The following PXDNL variants were observed in gnomAD, a reference collection of about 807,000 sequenced individuals.
PXDNL encodes the protein probable oxidoreductase PXDNL.
Under a neutral mutation model 150.8 loss-of-function variants are expected in PXDNL, and 145 were observed. That is an observed-to-expected ratio of 0.96 (90% CI 0.84 to 1.10). The LOEUF is 1.10. Among genes scored for constraint, PXDNL ranks in the 50% least tolerant of loss-of-function variants. PXDNL has a pLI of 0.00. For missense variants in PXDNL, 2,087 were observed against 1,873.9 expected (o/e 1.11, Z -2.10); for synonymous variants, 757 against 725.7 (o/e 1.04, Z -0.69).
At chr8:51,480,556 C>T (rs527866057) in intron 6 of PXDNL, among the ~76,000 whole-genome samples, 1 of 152,304 alleles carries the variant, frequency 6.6e-6, no homozygotes, top group African/African-American at 2.4e-5. Context: ...ATTACAATTG[C>T]ACATGAGATT....
chr8:51,642,003 A>G (rs1336257985), intron 2 of PXDNL, among the ~76,000 whole-genome samples: 1 of 150,594 alleles, frequency 6.6e-6, no homozygotes, highest in Non-Finnish European at 1.5e-5. Flanking sequence ...TGGCACATAT[A>G]CACCATGGAA....
intron 1 of PXDNL, among the ~76,000 whole-genome samples, chr8:51,773,436 C>T (rs999990569): frequency 1.3e-5 from 2 of 152,186 alleles, no homozygotes; most frequent in South Asian, 2.1e-4. Context: ...GGCTGTAAGA[C>T]AGTCTCACTG....
chr8:51,434,186 T>C (rs1163840765), intron 12 of PXDNL, among the ~76,000 whole-genome samples: 1 of 152,192 alleles, frequency 6.6e-6, no homozygotes, highest in East Asian at 1.9e-4. Flanking sequence ...GTTATTTTTG[T>C]CGAAACACTT....
chr8:51,609,186 T>C (rs927675919), intron 2 of PXDNL, among the ~76,000 whole-genome samples: 1 of 152,244 alleles, frequency 6.6e-6, no homozygotes, highest in Non-Finnish European at 1.5e-5. Flanking sequence ...ATAAATCTTC[T>C]TGATTACTTA....
chr8:51,524,240 A>G (rs1017676417), intron 4 of PXDNL, among the ~76,000 whole-genome samples: 1 of 152,232 alleles, frequency 6.6e-6, no homozygotes, highest in African/African-American at 2.4e-5. Flanking sequence ...CATCCTCTGA[A>G]AAGCTGTTTT....
chr8:51,488,414 T>G (rs577713817), intron 5 of PXDNL, among the ~76,000 whole-genome samples: 1 of 152,060 alleles, frequency 6.6e-6, no homozygotes, highest in South Asian at 2.1e-4. Flanking sequence ...AAGACCTGGA[T>G]GGAGAAACAC....
intron 21 of PXDNL, among the ~76,000 whole-genome samples, chr8:51,328,920 G>A (rs79095346): frequency 0.032 from 4,803 of 152,200 alleles, 241 homozygotes; most frequent in African/African-American, 0.11. Context: ...ACTTGCCAGG[G>A]TACAGTACTA....
At position 51,374,604 on chromosome 8, in the gene PXDNL, C is replaced by T. The variant is rs1300775385; in HGVS notation, c.3685G>A (p.Gly1229Arg). 6.2e-7 allele frequency: 1 copy of T among 1,613,834 alleles called. No individual in the cohort carries two copies. Among genetic ancestry groups the T allele is most frequent in the Non-Finnish European group, 8.5e-7 (1 of 1,179,856 alleles). Reference protein sequence around the residue: ...FVTQFQRLRDGDRFWYENPGV... With the variant: ...FVTQFQRLRDRDRFWYENPGV... ...TAACAGATAATCATTCACCTATCTC[C>T]ATCTCTTAGCCGCTGAAACTGGGTA... The change falls in exon 18 of 23, where the codon GGA becomes AGA. Residue 1229 changes from glycine to arginine, a missense_variant. By Grantham distance (125) the Gly-to-Arg change is moderately radical. Transcript: ENST00000356297.
intron 4 of PXDNL, among the ~76,000 whole-genome samples, chr8:51,502,666 GTT>G (rs11306659): frequency 3.2e-4 from 48 of 147,970 alleles, no homozygotes; most frequent in African/African-American, 9.8e-4. Flanking sequence ...CAGTAGAAGT[GTT>G]TTTTTTTTTC....
intron 2 of PXDNL, among the ~76,000 whole-genome samples, chr8:51,599,176 A>C (rs1358802527): frequency 6.6e-6 from 1 of 151,880 alleles, no homozygotes; most frequent in Non-Finnish European, 1.5e-5. Flanking sequence ...TGCCTTTTTG[A>C]ACAACCAACT....
At chr8:51,669,423 T>C (rs1305165089) in intron 1 of PXDNL, among the ~76,000 whole-genome samples, 1 of 152,236 alleles carries the variant, frequency 6.6e-6, no homozygotes, top group Non-Finnish European at 1.5e-5. Context: ...TCAGCAGTTT[T>C]ATTGTGTGAC....
intron 6 of PXDNL, among the ~76,000 whole-genome samples, chr8:51,481,891 C>A (rs1157380058): frequency 6.6e-6 from 1 of 152,198 alleles, no homozygotes; most frequent in South Asian, 2.1e-4. Flanking sequence ...CAGAAGTTTG[C>A]TGCAGGGGTG....
Position 51,436,586 on chromosome 8 carries a change from A to G in PXDNL, c.1526-9828T>C, listed in dbSNP as rs557146682. On this transcript the variant is annotated intron_variant, in intron 12 of 22. Transcript: ENST00000356297. ...CTCAAAACCATGCAAATACATGGAA[A>G]TTAAACAATCTGCTCCTGAATGATC... is the stretch of plus-strand genomic sequence containing the variant. 2.4e-3 allele frequency: 504 copies of G among 211,572 alleles called. 2 individuals carry two copies. The highest frequency in any genetic ancestry group is 3.8e-3 in the Non-Finnish European group (393 of 103,104). The allele number at this position is 211,572 out of a possible 1,614,324, so 13.1% of individuals were successfully genotyped here.
At chr8:51,615,372 T>C (rs1169175802) in intron 2 of PXDNL, among the ~76,000 whole-genome samples, 1 of 152,094 alleles carries the variant, frequency 6.6e-6, no homozygotes, top group African/African-American at 2.4e-5. Flanking sequence ...TCTATGTAAA[T>C]GGTTTTTGCC....
intron 3 of PXDNL, among the ~76,000 whole-genome samples, chr8:51,578,000 AGGAAGGAAGG>A (rs1407335904): frequency 1.6e-4 from 4 of 25,502 alleles, no homozygotes; most frequent in Admixed American, 4.4e-4. Context: ...AGAAAGAAAG[AGGAAGGAAGG>A]AAGGAAGGAA....
intron 12 of PXDNL, among the ~76,000 whole-genome samples, chr8:51,443,423 G>T (rs1809600982): frequency 1.3e-5 from 2 of 152,064 alleles, no homozygotes; most frequent in African/African-American, 4.8e-5. Flanking sequence ...TAGAAATTGG[G>T]CAAAGAAGAT....
chr8:51,405,582 T>C (rs1808414321), intron 17 of PXDNL, among the ~76,000 whole-genome samples: 1 of 152,226 alleles, frequency 6.6e-6, no homozygotes, highest in Non-Finnish European at 1.5e-5. Context: ...AGAAATACTT[T>C]GTAAATTAAA....
intron 3 of PXDNL, among the ~76,000 whole-genome samples, chr8:51,564,891 ATTGT>A (rs1422397083): frequency 6.6e-6 from 1 of 151,954 alleles, no homozygotes; most frequent in Non-Finnish European, 1.5e-5. Flanking sequence ...ATTTGTGTTG[ATTGT>A]TTGGGATTTT....
At chr8:51,385,027 T>C (rs189505135) in intron 17 of PXDNL, among the ~76,000 whole-genome samples, 9 of 152,260 alleles carry the variant, frequency 5.9e-5, no homozygotes, top group African/African-American at 2.2e-4. Flanking sequence ...GAGACTGAGA[T>C]AGACTTCCAC....
Sources: allele counts gnomAD v4.1 joint callset (sites outside exome capture counted in the v4.1 genomes callset), GRCh38; gene constraint gnomAD v4.1.1; transcripts MANE v1.5; gene names NCBI Gene and HGNC (gene_info 2026-07-23, HGNC 2026-07-21).